The following SLFN12L variants were observed in gnomAD, a reference collection of about 807,000 sequenced individuals.
The protein encoded by SLFN12L is schlafen family member 12-like.
A neutral mutation model predicts 34.8 loss-of-function variants in SLFN12L; 34 were observed. The observed-to-expected ratio is 0.98, with a 90% CI of 0.74 to 1.30. SLFN12L has a LOEUF of 1.30. SLFN12L is among the 50% of genes most tolerant of loss of function. The pLI is 0.00. For synonymous variants in SLFN12L, 259 were observed against 247.5 expected, an observed-to-expected ratio of 1.05 and a Z score of -0.44; for missense variants, 703 against 696.2, an observed-to-expected ratio of 1.01 and a Z score of -0.11.
chr17:35,519,507 G>A (rs1220907506), intron 2 of SLFN12L, among the ~76,000 whole-genome samples: 2 of 152,084 alleles, frequency 1.3e-5, no homozygotes, highest in East Asian at 1.9e-4. Flanking sequence ...TGAGTAAATG[G>A]AGAAAAGACA....
rs1314603044 is a variant in SLFN12L at position 35,474,616 on chromosome 17, G to C, written c.*307C>G. On this transcript the variant is annotated 3_prime_UTR_variant, in exon 5 of 5. Coordinates refer to ENST00000628453, the MANE Select transcript of SLFN12L (RefSeq NM_001363830.2). Reference sequence around the variant, plus strand: ...ATGCTGGAAATGTCAAAGGCTAATTGGTCTATAAAAGAATTGATTCTCCAG... The same window carrying C: ...ATGCTGGAAATGTCAAAGGCTAATTCGTCTATAAAAGAATTGATTCTCCAG... 3.9e-6 allele frequency: 1 copy of C among 255,438 alleles called. No homozygotes were observed. The highest frequency in any genetic ancestry group is 2.3e-5 in the African/African-American group (1 of 43,352). 15.8% of individuals were successfully genotyped at this position (255,438 alleles called of 1,614,324 possible).
In SLFN12L at chr17:35,468,608, G is replaced by T. The variant is rs1187184535; in HGVS notation, c.*6315C>A. On this transcript the variant is annotated 3_prime_UTR_variant, in exon 5 of 5. Coordinates refer to ENST00000628453, the MANE Select transcript of SLFN12L (RefSeq NM_001363830.2). The stretch of plus-strand genomic sequence containing the variant: ...GGGATTCTATTGTGTTTCTGAGTGT[G>T]CTGTCTGCTTAGCCTATCATCCTGG... Among the ~76,000 whole-genome samples, 1 of 152,164 alleles carries T rather than the reference G, an allele frequency of 6.6e-6. No individual in the cohort carries two copies. Among genetic ancestry groups the T allele is most frequent in the East Asian group, 1.9e-4 (1 of 5,204 alleles).
intron 2 of SLFN12L, among the ~76,000 whole-genome samples, chr17:35,483,623 G>A (rs547508393): frequency 8.5e-5 from 13 of 152,302 alleles, no homozygotes; most frequent in African/African-American, 3.1e-4. Flanking sequence ...AGGCCAAACA[G>A]ACTAAGACAG....
Position 35,498,229 on chromosome 17 carries a change from G to A in SLFN12L, c.87-18034C>T, listed in dbSNP as rs559972790. 1.1e-3 allele frequency: 679 copies of A among 644,222 alleles called. 5 individuals carry two copies. In the African/African-American group the frequency reaches 0.011, roughly 11 times the overall value. 39.9% of individuals were successfully genotyped at this position (644,222 alleles called of 1,614,324 possible). A position where few individuals can be genotyped will look rare whatever the true frequency, so the allele number is the denominator to read the frequency against. On this transcript the variant is annotated intron_variant, in intron 2 of 4. Transcript: ENST00000628453. The stretch of plus-strand genomic sequence containing the variant: ...GGATGTTCAGTCATGAAATGAGTGC[G>A]TACCGAGGAGATCCAGATGGCAGTG...
chr17:35,521,485 T>A (rs1915994626), intron 2 of SLFN12L, among the ~76,000 whole-genome samples: 1 of 152,354 alleles, frequency 6.6e-6, no homozygotes, highest in African/African-American at 2.4e-5. Context: ...TATTTTACCA[T>A]GGCTGGGTGG....
intron 1 of SLFN12L, among the ~76,000 whole-genome samples, chr17:35,530,117 CTTTTTT>C (rs35836415): frequency 9.1e-6 from 1 of 109,462 alleles, no homozygotes; most frequent in African/African-American, 3.4e-5. Context: ...ACTGCTTTGT[CTTTTTT>C]TTTTTTTTTT....
rs937345990 is a variant in SLFN12L at position 35,522,606 on chromosome 17, C to A, written c.-242G>T. The A allele has an allele frequency of 8.7e-6, 14 of 1,610,092 alleles. No homozygotes were observed. The highest frequency in any genetic ancestry group is 1.2e-5 in the Non-Finnish European group (14 of 1,178,190). ...AACTATAGGACGCAGGGTAATCCAT[C>A]GGAGACACTGCAGCCTCCAAAGCCT... On this transcript the variant is annotated 5_prime_UTR_variant, in exon 2 of 5. Coordinates refer to ENST00000628453, the MANE Select transcript of SLFN12L (RefSeq NM_001363830.2).
chr17:35,481,104 G>T (rs142176128), intron 2 of SLFN12L, among the ~76,000 whole-genome samples: 7 of 152,320 alleles, frequency 4.6e-5, no homozygotes, highest in Admixed American at 1.3e-4. Flanking sequence ...CCTTTGTTAC[G>T]CCCGGACAGG....
At chr17:35,512,626 A>G (rs916240362) in intron 2 of SLFN12L, among the ~76,000 whole-genome samples, 12 of 152,192 alleles carry the variant, frequency 7.9e-5, no homozygotes, top group Non-Finnish European at 1.3e-4. Flanking sequence ...TCGGCCTCCC[A>G]AAGTGCCAGG....
intron 2 of SLFN12L, among the ~76,000 whole-genome samples, chr17:35,513,122 T>C (rs1915709587): frequency 6.6e-6 from 1 of 152,182 alleles, no homozygotes; most frequent in Admixed American, 6.5e-5. Context: ...ACTGACTATC[T>C]GGTATGTTTG....
chr17:35,483,198 C>T (rs961044276), intron 2 of SLFN12L, among the ~76,000 whole-genome samples: 5 of 152,142 alleles, frequency 3.3e-5, no homozygotes, highest in African/African-American at 9.7e-5. Flanking sequence ...CAGGGCCTCC[C>T]CTCTGCTGAG....
chr17:35,499,246 C>G, intron 2 of SLFN12L: 3 of 869,496 alleles, frequency 3.5e-6, no homozygotes, highest in Non-Finnish European at 5.0e-6. Context: ...TTACCAAACA[C>G]GACATATCTT....
chr17:35,494,612 T>C (rs867960368), intron 2 of SLFN12L, among the ~76,000 whole-genome samples: 2 of 152,286 alleles, frequency 1.3e-5, no homozygotes, highest in South Asian at 4.1e-4. Context: ...ACGACAGCAA[T>C]GTGCCAGGGC....
rs1914808291 is a variant in SLFN12L, at chr17:35,490,841, G to A, written c.87-10646C>T. On this transcript the variant is annotated intron_variant, in intron 2 of 4. Transcript: ENST00000628453. ...GAGAGCCTACAAATACATTTGGCAG[G>A]TACCCAAGGGCACATTGAGGTTTAC... 5 of 1,098,858 alleles carry A rather than the reference G, an allele frequency of 4.6e-6. 1 individual carries two copies. The highest frequency in any genetic ancestry group is 2.5e-5 in the South Asian group (2 of 80,658). 68.1% of individuals were successfully genotyped at this position (1,098,858 alleles called of 1,614,324 possible). A position where few individuals can be genotyped will look rare whatever the true frequency, so the allele number is the denominator to read the frequency against.
At chr17:35,494,879 AATTTATTTATTTTATTTATTTATTT>A (rs1292473421) in intron 2 of SLFN12L, among the ~76,000 whole-genome samples, 1 of 148,824 alleles carries the variant, frequency 6.7e-6, no homozygotes, top group Non-Finnish European at 1.5e-5. Context: ...TAATTTTATT[AATTTATTTATTTTATTTATTTATTT>A]ATTTATTTAT....
intron 2 of SLFN12L, among the ~76,000 whole-genome samples, chr17:35,494,893 A>T (rs780335879): frequency 1.0e-3 from 98 of 98,490 alleles, no homozygotes; most frequent in Admixed American, 1.0e-3. Flanking sequence ...TATTTATTTT[A>T]TTTATTTATT....
rs1000500875 is a variant in SLFN12L, at chr17:35,468,428, A to T, written c.*6495T>A. 3.9e-5 allele frequency among the ~76,000 whole-genome samples: 6 copies of T among 152,198 alleles called. No homozygotes were observed. Among genetic ancestry groups the T allele is most frequent in the African/African-American group, 1.4e-4 (6 of 41,450 alleles). On this transcript the variant is annotated 3_prime_UTR_variant, in exon 5 of 5. Transcript: ENST00000628453. ...TGGAGATTATGCTGCCTCAGATGAC[A>T]TCGATCCAGCTTACCGTCAGAGATG...
chr17:35,477,475 G>C (rs1291484135), intron 4 of SLFN12L, among the ~76,000 whole-genome samples: 2 of 152,126 alleles, frequency 1.3e-5, no homozygotes, highest in African/African-American at 4.8e-5. Context: ...CTTGGGAAAA[G>C]AGAAAATGCA....
At chr17:35,482,009 G>T (rs1225658406) in intron 2 of SLFN12L, among the ~76,000 whole-genome samples, 1 of 152,100 alleles carries the variant, frequency 6.6e-6, no homozygotes, top group Non-Finnish European at 1.5e-5. Context: ...TAAGGCACCT[G>T]CCACCATGCC....
Sources: gnomAD v4.1 joint callset for allele counts (sites outside exome capture counted in the v4.1 genomes callset) on GRCh38, gnomAD v4.1.1 for gene constraint, MANE v1.5 for transcripts, NCBI Gene and HGNC (gene_info 2026-07-23, HGNC 2026-07-21) for gene names.